Variants in TBC1D22A observed in about 807,000 individuals in gnomAD.
TBC1D22A encodes the protein TBC1 domain family member 22A, also known as putative GTPase activator.
TBC1D22A carries 38 observed loss-of-function variants against 60.2 expected under a neutral mutation model. That is an observed-to-expected ratio of 0.63 (90% CI 0.49 to 0.83). The LOEUF (loss-of-function observed/expected upper bound fraction) is 0.83, where lower values mean the gene tolerates loss of function less well. Ranked by LOEUF, TBC1D22A falls within the 40% of genes least tolerant of loss-of-function variation. The pLI is 0.00. For synonymous variants in TBC1D22A, 302 were observed against 281.7 expected, an observed-to-expected ratio of 1.07 and a Z score of -0.72; for missense variants, 628 against 701.0, an observed-to-expected ratio of 0.90 and a Z score of 1.18.
chr22:47,106,222 G>A (rs1003665746), intron 11 of TBC1D22A, among the ~76,000 whole-genome samples: 3 of 152,246 alleles, frequency 2.0e-5, no homozygotes, highest in Non-Finnish European at 2.9e-5. Flanking sequence ...GATCTGAGTT[G>A]TGAGAAAATA....
intron 11 of TBC1D22A, among the ~76,000 whole-genome samples, chr22:47,085,798 T>C (rs1329346230): frequency 6.6e-6 from 1 of 152,178 alleles, no homozygotes; most frequent in East Asian, 1.9e-4. Context: ...TCAAATAATA[T>C]AGTTTTATGG....
At chr22:46,863,209 C>T (rs1386557031) in intron 4 of TBC1D22A, among the ~76,000 whole-genome samples, 4 of 152,184 alleles carry the variant, frequency 2.6e-5, no homozygotes, top group Non-Finnish European at 5.9e-5. Flanking sequence ...CCATGACAAG[C>T]AGCCAGGAGG....
At chr22:47,059,802 G>A (rs2063509075) in intron 11 of TBC1D22A, among the ~76,000 whole-genome samples, 2 of 152,192 alleles carry the variant, frequency 1.3e-5, no homozygotes, top group Admixed American at 1.3e-4. Context: ...GTAACAGCAG[G>A]GATCTTATGA....
intron 4 of TBC1D22A, among the ~76,000 whole-genome samples, chr22:46,845,085 G>A (rs1335131089): frequency 3.9e-5 from 6 of 152,200 alleles, no homozygotes; most frequent in Admixed American, 6.5e-5. Flanking sequence ...ATCTGCAGGC[G>A]GTTGCCTGTG....
At chr22:46,941,076 C>A (rs368119233) in intron 8 of TBC1D22A, among the ~76,000 whole-genome samples, 2 of 136,284 alleles carry the variant, frequency 1.5e-5, no homozygotes, top group Admixed American at 7.8e-5. Flanking sequence ...CATAGTCCAC[C>A]CTTGAACAGC....
intron 11 of TBC1D22A, among the ~76,000 whole-genome samples, chr22:47,058,288 T>A (rs2063462769): frequency 6.6e-6 from 1 of 152,184 alleles, no homozygotes; most frequent in Non-Finnish European, 1.5e-5. Context: ...TGCTTGTTAC[T>A]GACTTGACTT....
chr22:46,960,605 G>A (rs1476020920), intron 8 of TBC1D22A, among the ~76,000 whole-genome samples: 1 of 152,170 alleles, frequency 6.6e-6, no homozygotes, highest in East Asian at 1.9e-4. Context: ...CAACCAGGCA[G>A]TCTGCTCTGC....
At chr22:46,868,912 G>A (rs2067177827) in intron 4 of TBC1D22A, among the ~76,000 whole-genome samples, 1 of 147,144 alleles carries the variant, frequency 6.8e-6, no homozygotes, top group Admixed American at 6.7e-5. Flanking sequence ...GGGGTGAGGT[G>A]GGGGAGCTCA....
At chr22:46,828,890 G>A (rs1225153944) in intron 4 of TBC1D22A, among the ~76,000 whole-genome samples, 1 of 152,178 alleles carries the variant, frequency 6.6e-6, no homozygotes, top group Non-Finnish European at 1.5e-5. Context: ...GCTGTTCTTA[G>A]TACCTCATGG....
chr22:46,880,827 G>A (rs969840414), intron 5 of TBC1D22A, among the ~76,000 whole-genome samples: 2 of 152,166 alleles, frequency 1.3e-5, no homozygotes, highest in South Asian at 2.1e-4. Context: ...ACGGATGAAC[G>A]TGGTGGTTCT....
intron 1 of TBC1D22A, among the ~76,000 whole-genome samples, chr22:46,767,152 G>T (rs1422679547): frequency 6.6e-6 from 1 of 152,144 alleles, no homozygotes; most frequent in East Asian, 1.9e-4. Flanking sequence ...TGTGGCTGAC[G>T]CTTTCCTAGA....
chr22:46,787,932 C>CTTTT (rs547496103), intron 1 of TBC1D22A, among the ~76,000 whole-genome samples: 1 of 107,146 alleles, frequency 9.3e-6, no homozygotes, highest in Admixed American at 9.6e-5. Context: ...GGGCAGGCTA[C>CTTTT]TTTTTTTTTT....
chr22:46,901,460 C>T (rs117964110), intron 7 of TBC1D22A, among the ~76,000 whole-genome samples: 2,318 of 152,292 alleles, frequency 0.015, 26 homozygotes, highest in South Asian at 0.033. Flanking sequence ...AGACACCTGA[C>T]GTGGGCACAA....
chr22:46,828,552 G>A (rs1173783261), intron 4 of TBC1D22A, among the ~76,000 whole-genome samples: 2 of 152,228 alleles, frequency 1.3e-5, no homozygotes, highest in Admixed American at 1.3e-4. Flanking sequence ...TGGCCCAAGG[G>A]CGTCCAGCTT....
intron 9 of TBC1D22A, among the ~76,000 whole-genome samples, chr22:46,986,892 CTGG>C (rs2074746035): frequency 6.6e-6 from 1 of 152,158 alleles, no homozygotes; most frequent in African/African-American, 2.4e-5. Context: ...ACCATGATGT[CTGG>C]AATCTCAGGT....
chr22:47,160,203 G>A (rs1273543187), intron 12 of TBC1D22A, among the ~76,000 whole-genome samples: 4 of 152,350 alleles, frequency 2.6e-5, no homozygotes, highest in Non-Finnish European at 4.4e-5. Flanking sequence ...TGGGAATCAC[G>A]TGTGGACAGG....
intron 9 of TBC1D22A, among the ~76,000 whole-genome samples, chr22:46,979,793 C>G (rs2074442149): frequency 6.6e-6 from 1 of 152,082 alleles, no homozygotes; most frequent in African/African-American, 2.4e-5. Flanking sequence ...ATGTCAGCAC[C>G]GTGAGGAAGG....
chr22:46,798,324 A>C (rs1272402684), intron 4 of TBC1D22A, among the ~76,000 whole-genome samples: 1 of 152,204 alleles, frequency 6.6e-6, no homozygotes, highest in Non-Finnish European at 1.5e-5. Flanking sequence ...CCATCAACTC[A>C]ATCTGCTGGT....
intron 8 of TBC1D22A, among the ~76,000 whole-genome samples, chr22:46,955,506 C>T (rs760559538): frequency 2.9e-4 from 44 of 152,238 alleles, no homozygotes; most frequent in African/African-American, 1.0e-3. Context: ...GACACGTTTT[C>T]GTTTGTGTGT....
Sources: gnomAD v4.1 joint callset for allele counts (sites outside exome capture counted in the v4.1 genomes callset) on GRCh38, gnomAD v4.1.1 for gene constraint, MANE v1.5 for transcripts, NCBI Gene and HGNC (gene_info 2026-07-23, HGNC 2026-07-21) for gene names.